Variants in ATAD1 observed in about 807,000 individuals in gnomAD.
ATAD1 encodes ATPase family AAA domain containing 1.
A neutral mutation model predicts 42.7 loss-of-function variants in ATAD1; 18 were observed. The observed-to-expected ratio is 0.42, with a 90% CI of 0.29 to 0.63. The LOEUF (loss-of-function observed/expected upper bound fraction) is 0.63, where lower values mean the gene tolerates loss of function less well. Among genes scored for constraint, ATAD1 ranks in the 20% least tolerant of loss-of-function variants. The pLI is 0.19. For missense variants in ATAD1, 294 were observed against 440.4 expected, an observed-to-expected ratio of 0.67 and a Z score of 2.98; for synonymous variants, 132 against 143.1, an observed-to-expected ratio of 0.92 and a Z score of 0.55.
chr10:87,829,847 T>A (rs566023096), intron 1 of ATAD1, among the ~76,000 whole-genome samples: 2 of 152,304 alleles, frequency 1.3e-5, no homozygotes, highest in South Asian at 4.1e-4. Context: ...CTACACCTGG[T>A]GAAGATAATG....
At chr10:87,810,301 T>C (rs143675402) in intron 2 of ATAD1, among the ~76,000 whole-genome samples, 114 of 152,048 alleles carry the variant, frequency 7.5e-4, no homozygotes, top group African/African-American at 2.5e-3. Flanking sequence ...TATTATCTAG[T>C]ATTCGGTTTA....
chr10:87,787,138 T>C (rs996098676), intron 4 of ATAD1, among the ~76,000 whole-genome samples: 2 of 152,222 alleles, frequency 1.3e-5, no homozygotes, highest in Non-Finnish European at 2.9e-5. Context: ...CATTTAGCTT[T>C]TATTATTAGC....
chr10:87,766,199 CA>C (rs1854740259), intron 8 of ATAD1, among the ~76,000 whole-genome samples: 1 of 152,040 alleles, frequency 6.6e-6, no homozygotes, highest in Non-Finnish European at 1.5e-5. Context: ...CAATAGCTAC[CA>C]AAATTATAAA....
intron 5 of ATAD1, among the ~76,000 whole-genome samples, chr10:87,783,096 T>C (rs547972713): frequency 3.3e-5 from 5 of 152,220 alleles, no homozygotes; most frequent in African/African-American, 1.2e-4. Flanking sequence ...ATATAGCTAA[T>C]AGGCCAGGTG....
chr10:87,783,045 C>T (rs1259174729), intron 5 of ATAD1, among the ~76,000 whole-genome samples: 1 of 151,692 alleles, frequency 6.6e-6, no homozygotes, highest in African/African-American at 2.4e-5. Context: ...ACTAATCACA[C>T]TTCCCAGTTA....
In ATAD1 at chr10:87,808,333, CAA is replaced by C. The variant is rs11289738; in HGVS notation, c.162+6103_162+6104del. ...GTAAACAAAGTAAACAAAGAAAAGC[CAA>C]AAAAAAAAAAAAAGTAATGAAAAGT... On this transcript the variant is annotated intron_variant, in intron 2 of 9. Transcript: ENST00000680024. Among the ~76,000 whole-genome samples the C allele has an allele frequency of 8.6e-3, 1,194 of 138,402 alleles. 10 individuals are homozygous for C. The highest frequency in any genetic ancestry group is 0.016 in the South Asian group (70 of 4,384). 90.8% of individuals were successfully genotyped at this position (138,402 alleles called of 152,430 possible). A position where few individuals can be genotyped will look rare whatever the true frequency, so the allele number is the denominator to read the frequency against.
intron 1 of ATAD1, among the ~76,000 whole-genome samples, chr10:87,839,363 G>T (rs934258371): frequency 6.6e-6 from 1 of 152,120 alleles, no homozygotes; most frequent in African/African-American, 2.4e-5. Flanking sequence ...AGAACTTATG[G>T]TTAGGAGCCA....
At position 87,774,640 on chromosome 10, in the gene ATAD1, AAAG is replaced by A. The variant is rs1855203936; in HGVS notation, c.690+1678_690+1680del. ...ATAGCACAGAAAGACAGAAAATATG[AAAG>A]AGACGTTAAAAAAGACATGAAATAG... is the stretch of plus-strand genomic sequence containing the variant. On this transcript the variant is annotated intron_variant, in intron 6 of 9. Coordinates refer to ENST00000680024, the MANE Select transcript of ATAD1 (RefSeq NM_001321967.2). Among the ~76,000 whole-genome samples the A allele has an allele frequency of 2.0e-5, 3 of 152,306 alleles. No individual in the cohort carries two copies. In the South Asian group the frequency reaches 6.2e-4, roughly 32 times the overall value.
At chr10:87,812,400 G>A (rs994615868) in intron 2 of ATAD1, among the ~76,000 whole-genome samples, 4 of 151,980 alleles carry the variant, frequency 2.6e-5, no homozygotes, top group African/African-American at 9.7e-5. Context: ...CTCCCGAGTA[G>A]CTGGGTGTGC....
At chr10:87,817,378 G>C (rs1857465913) in intron 1 of ATAD1, among the ~76,000 whole-genome samples, 1 of 152,222 alleles carries the variant, frequency 6.6e-6, no homozygotes, top group South Asian at 2.1e-4. Context: ...TGATAGTGCT[G>C]TATGCAACTA....
chr10:87,757,283 A>C (rs937203946), intron 8 of ATAD1, among the ~76,000 whole-genome samples: 15 of 151,466 alleles, frequency 9.9e-5, no homozygotes, highest in Non-Finnish European at 1.6e-4. Context: ...ACAAAAAAAA[A>C]AAAACAAAAC....
chr10:87,790,447 TCAA>T lies in ATAD1; in HGVS notation c.262-20_262-18del. On this transcript the variant is annotated intron_variant, in intron 3 of 9. Coordinates refer to ENST00000680024, the MANE Select transcript of ATAD1 (RefSeq NM_001321967.2). ...CCAAGTAACCTGGCAAAAGTTAAGG[TCAA>T]CATGAATTTTACTACAAATGTACAC... The T allele has an allele frequency of 6.3e-7, 1 of 1,586,582 alleles. No homozygotes were observed. Among genetic ancestry groups the T allele is most frequent in the Non-Finnish European group, 8.5e-7 (1 of 1,173,096 alleles).
At chr10:87,826,176 A>C (rs957548522) in intron 1 of ATAD1, among the ~76,000 whole-genome samples, 3 of 152,166 alleles carry the variant, frequency 2.0e-5, no homozygotes, top group Non-Finnish European at 4.4e-5. Flanking sequence ...CAACAACAAC[A>C]AAGGGGAAAA....
At chr10:87,765,802 G>A (rs1854715427) in intron 8 of ATAD1, among the ~76,000 whole-genome samples, 1 of 152,044 alleles carries the variant, frequency 6.6e-6, no homozygotes, top group Non-Finnish European at 1.5e-5. Flanking sequence ...CCAAGGCGGG[G>A]GGATTGCTTG....
chr10:87,807,302 G>A (rs566592175), intron 2 of ATAD1, among the ~76,000 whole-genome samples: 3 of 151,978 alleles, frequency 2.0e-5, no homozygotes, highest in Non-Finnish European at 2.9e-5. Context: ...CTGGTTCTTC[G>A]CTATATGCCC....
chr10:87,766,454 GCTA>G (rs1342605781), intron 8 of ATAD1, among the ~76,000 whole-genome samples: 23 of 152,200 alleles, frequency 1.5e-4, no homozygotes, highest in African/African-American at 5.1e-4. Flanking sequence ...GAAACTAGAT[GCTA>G]ATATGGAAAG....
intron 2 of ATAD1, among the ~76,000 whole-genome samples, chr10:87,810,657 T>C (rs1037407679): frequency 2.0e-5 from 3 of 152,226 alleles, no homozygotes; most frequent in African/African-American, 7.2e-5. Flanking sequence ...TTTCTTCTTA[T>C]ATTTGTGTGG....
upstream of ATAD1, among the ~76,000 whole-genome samples, chr10:87,821,029 T>G (rs908197559): frequency 6.6e-6 from 1 of 152,222 alleles, no homozygotes; most frequent in African/African-American, 2.4e-5. Context: ...ATCAAGATAT[T>G]AAAAAGAATT....
At chr10:87,795,133 T>C (rs1856319577) in intron 2 of ATAD1, among the ~76,000 whole-genome samples, 2 of 152,176 alleles carry the variant, frequency 1.3e-5, no homozygotes, top group Non-Finnish European at 2.9e-5. Flanking sequence ...ATTATACAGC[T>C]AGGAAGTGAC....
Sources: gnomAD v4.1 joint callset for allele counts (sites outside exome capture counted in the v4.1 genomes callset) on GRCh38, gnomAD v4.1.1 for gene constraint, MANE v1.5 for transcripts, NCBI Gene and HGNC (gene_info 2026-07-23, HGNC 2026-07-21) for gene names.